Variants in AUTS2 observed in about 807,000 individuals in gnomAD.
AUTS2 encodes the protein activator of transcription and developmental regulator AUTS2, also known as autism susceptibility gene 2 protein.
AUTS2 carries 17 observed loss-of-function variants against 112.4 expected under a neutral mutation model. The observed-to-expected ratio is 0.15, with a 90% confidence interval of 0.10 to 0.23. The LOEUF (loss-of-function observed/expected upper bound fraction) is 0.23. Among genes scored for constraint, AUTS2 ranks in the 10% least tolerant of loss-of-function variants. The pLI, the probability that AUTS2 is intolerant of heterozygous loss-of-function variation, is 1.00. For missense variants in AUTS2, 1,510 were observed against 1,701.6 expected, an observed-to-expected ratio of 0.89 and a Z score of 1.98; for synonymous variants, 751 against 702.7, an observed-to-expected ratio of 1.07 and a Z score of -1.09.
At chr7:69,842,367 T>A (rs1792018633) in intron 1 of AUTS2, among the ~76,000 whole-genome samples, 1 of 152,188 alleles carries the variant, frequency 6.6e-6, no homozygotes, top group African/African-American at 2.4e-5. Context: ...TTAAAGCACA[T>A]ACCTTAGGAC....
intron 5 of AUTS2, among the ~76,000 whole-genome samples, chr7:70,582,955 T>C (rs1212484033): frequency 1.3e-5 from 2 of 152,258 alleles, no homozygotes; most frequent in African/African-American, 4.8e-5. Context: ...CCCCCCAAAC[T>C]TCTTTGGGTT....
intron 4 of AUTS2, among the ~76,000 whole-genome samples, chr7:70,426,766 G>C (rs939570167): frequency 6.6e-6 from 1 of 152,084 alleles, no homozygotes; most frequent in African/African-American, 2.4e-5. Flanking sequence ...AGTCATTTTA[G>C]CTAGCTCATA....
At chr7:70,480,961 C>T (rs979135277) in intron 5 of AUTS2, among the ~76,000 whole-genome samples, 1 of 152,130 alleles carries the variant, frequency 6.6e-6, no homozygotes, top group Non-Finnish European at 1.5e-5. Context: ...CGGAGGTGAG[C>T]CGTGCACATT....
intron 5 of AUTS2, among the ~76,000 whole-genome samples, chr7:70,462,432 G>A (rs991806538): frequency 1.3e-5 from 2 of 152,068 alleles, no homozygotes; most frequent in African/African-American, 4.8e-5. Flanking sequence ...TCAGTGGTGG[G>A]TATATAGGTA....
At chr7:70,381,946 G>A (rs1426973243) in intron 4 of AUTS2, among the ~76,000 whole-genome samples, 1 of 152,084 alleles carries the variant, frequency 6.6e-6, no homozygotes. Flanking sequence ...TGTTTTATAG[G>A]TGGGTGATAC....
At chr7:70,043,541 T>TTCCCTCCC (rs939767665) in intron 2 of AUTS2, among the ~76,000 whole-genome samples, 3 of 141,122 alleles carry the variant, frequency 2.1e-5, no homozygotes, top group African/African-American at 7.9e-5. Context: ...CCTTGCCTCC[T>TTCCCTCCC]TCCCTCCCTT....
chr7:70,547,907 T>C (rs1252680262), intron 5 of AUTS2, among the ~76,000 whole-genome samples: 1 of 152,210 alleles, frequency 6.6e-6, no homozygotes, highest in Non-Finnish European at 1.5e-5. Flanking sequence ...AGCTTCATTT[T>C]ACATTTCCCC....
chr7:70,110,859 CTTTTTTTTTTTTT>C (rs71077618), intron 2 of AUTS2, among the ~76,000 whole-genome samples: 4 of 82,782 alleles, frequency 4.8e-5, no homozygotes, highest in African/African-American at 2.1e-4. Context: ...TTCTTTCTTT[CTTTTTTTTTTTTT>C]TTTTTTTTTT....
Position 69,798,236 on chromosome 7 carries a change from G to T in AUTS2, c.310-101050G>T, listed in dbSNP as rs1033945262. Among the ~76,000 whole-genome samples, 13 of 152,052 alleles carry T rather than the reference G, an allele frequency of 8.5e-5. No individual in the cohort carries two copies. In the South Asian group the frequency reaches 2.5e-3, roughly 29 times the overall value. On this transcript the variant is annotated intron_variant, in intron 1 of 18. Coordinates refer to ENST00000342771, the MANE Select transcript of AUTS2 (RefSeq NM_015570.4). Reference sequence around the variant, plus strand: ...TATAAACTGTAGTGTGTTTGTGCTGGGAGGAACGTAAGAGAACATGTGGAT... The same window carrying T: ...TATAAACTGTAGTGTGTTTGTGCTGTGAGGAACGTAAGAGAACATGTGGAT...
At chr7:69,803,527 G>GA (rs61457596) in intron 1 of AUTS2, among the ~76,000 whole-genome samples, 144,806 of 149,192 alleles carry the variant, frequency 0.97, 70,268 homozygotes, top group South Asian at 1. Context: ...ACCATCTTTG[G>GA]AAAAAAAAAA....
chr7:70,012,961 G>T (rs1284684983), intron 2 of AUTS2, among the ~76,000 whole-genome samples: 1 of 152,154 alleles, frequency 6.6e-6, no homozygotes, highest in Non-Finnish European at 1.5e-5. Context: ...TGTGTTTTGG[G>T]GGTATGGAGA....
intron 1 of AUTS2, among the ~76,000 whole-genome samples, chr7:69,819,925 T>G (rs944830896): frequency 1.3e-5 from 2 of 152,166 alleles, no homozygotes; most frequent in Non-Finnish European, 2.9e-5. Context: ...ATAACTCAAC[T>G]AGCTTCATTA....
chr7:70,667,945 G>T (rs1378490616), intron 5 of AUTS2, among the ~76,000 whole-genome samples: 1 of 152,194 alleles, frequency 6.6e-6, no homozygotes, highest in Non-Finnish European at 1.5e-5. Flanking sequence ...ATCACTGGGG[G>T]TCTCCCTAAA....
In AUTS2 at chr7:70,465,077, A is replaced by G. The variant is rs1028751419; in HGVS notation, c.690+29296A>G. On this transcript the variant is annotated intron_variant, in intron 5 of 18. Coordinates refer to ENST00000342771, the MANE Select transcript of AUTS2 (RefSeq NM_015570.4). Reference sequence around the variant, plus strand: ...AAAGTACACCAGCCGGCCTACTTCTACTGACTTTCAGAGGTTGAATGAAGC... The same window carrying G: ...AAAGTACACCAGCCGGCCTACTTCTGCTGACTTTCAGAGGTTGAATGAAGC... Among the ~76,000 whole-genome samples the G allele has an allele frequency of 2.6e-5, 4 of 152,160 alleles. 1 individual carries two copies. In the Middle Eastern group the frequency reaches 9.5e-3, roughly 361 times the overall value.
At chr7:69,707,005 A>C (rs1798087162) in intron 1 of AUTS2, among the ~76,000 whole-genome samples, 1 of 152,194 alleles carries the variant, frequency 6.6e-6, no homozygotes, top group African/African-American at 2.4e-5. Context: ...GCAACCTCTG[A>C]TGCTTCTCTT....
At chr7:69,782,438 A>G (rs1019391161) in intron 1 of AUTS2, among the ~76,000 whole-genome samples, 3 of 151,176 alleles carry the variant, frequency 2.0e-5, no homozygotes, top group Non-Finnish European at 4.4e-5. Flanking sequence ...TCATCCAGTC[A>G]TGATGGTTTT....
At chr7:69,933,543 A>G (rs1351444896) in intron 2 of AUTS2, among the ~76,000 whole-genome samples, 3 of 152,346 alleles carry the variant, frequency 2.0e-5, no homozygotes, top group Non-Finnish European at 1.5e-5. Context: ...CTTTCTTGGA[A>G]GGTCACAGTT....
chr7:70,053,250 TG>T (rs1299971140), intron 2 of AUTS2, among the ~76,000 whole-genome samples: 1 of 152,106 alleles, frequency 6.6e-6, no homozygotes, highest in Non-Finnish European at 1.5e-5. Context: ...TGAGTTGGAG[TG>T]GGGAAGGTGT....
At chr7:70,303,410 ACG>A (rs1276659057) in intron 4 of AUTS2, among the ~76,000 whole-genome samples, 1 of 146,848 alleles carries the variant, frequency 6.8e-6, no homozygotes, top group East Asian at 2.2e-4. Context: ...ACATGTGTGC[ACG>A]CACACACACA....
Sources: allele counts gnomAD v4.1 joint callset (sites outside exome capture counted in the v4.1 genomes callset), GRCh38; gene constraint gnomAD v4.1.1; transcripts MANE v1.5; gene names NCBI Gene and HGNC (gene_info 2026-07-23, HGNC 2026-07-21).